IGFL4: variants seen among roughly 807,000 people sequenced by gnomAD.
IGFL4 encodes the protein insulin growth factor-like family member 4.
Under a neutral mutation model 15.4 loss-of-function variants are expected in IGFL4, and 12 were observed. The observed-to-expected ratio is 0.78, with a 90% CI of 0.50 to 1.26. The LOEUF (loss-of-function observed/expected upper bound fraction) is 1.26, where lower values mean the gene tolerates loss of function less well. IGFL4 is among the 50% of genes most tolerant of loss of function. The pLI, the probability that IGFL4 is intolerant of heterozygous loss-of-function variation, is 0.00. For missense variants in IGFL4, 126 were observed against 147.8 expected, an observed-to-expected ratio of 0.85 and a Z score of 0.76; for synonymous variants, 54 against 55.9, an observed-to-expected ratio of 0.97 and a Z score of 0.16.
At chr19:46,042,212 C>T (rs1969253443), upstream of IGFL4, among the ~76,000 whole-genome samples, 1 of 152,128 alleles carries the variant, frequency 6.6e-6, no homozygotes, top group South Asian at 2.1e-4. Flanking sequence ...CTCTCCTCGC[C>T]TATTTCTGCA....
chr19:46,073,089 C>G (rs1969562242), intron 1 of IGFL4, among the ~76,000 whole-genome samples: 1 of 152,082 alleles, frequency 6.6e-6, no homozygotes, highest in Non-Finnish European at 1.5e-5. Flanking sequence ...AAAATAAAGC[C>G]TGTAGATTCA....
intron 2 of IGFL4, chr19:46,059,222 C>G (rs2146521773): frequency 6.6e-6 from 1 of 152,388 alleles, no homozygotes; most frequent in South Asian, 2.1e-4. Flanking sequence ...CCCAGCAGTT[C>G]TCAGCCTTGT....
intron 1 of IGFL4, chr19:46,062,872 T>A (rs1031464803): frequency 6.6e-6 from 1 of 152,214 alleles, no homozygotes; most frequent in African/African-American, 2.4e-5. Flanking sequence ...AAGTTCCCCA[T>A]GTCCTATTGT....
At chr19:46,067,411 C>T (rs73042285) in intron 1 of IGFL4, among the ~76,000 whole-genome samples, 9,365 of 152,166 alleles carry the variant, frequency 0.062, 413 homozygotes, top group Middle Eastern at 0.15. Flanking sequence ...ATGCCTTCAC[C>T]TTCCTGGGTT....
chr19:46,067,964 C>A (rs768329337), intron 1 of IGFL4, among the ~76,000 whole-genome samples: 2 of 152,174 alleles, frequency 1.3e-5, no homozygotes, highest in African/African-American at 2.4e-5. Flanking sequence ...TCCCTTGGAT[C>A]AAAAGACTTT....
At chr19:46,043,252 A>G (rs1969264011), upstream of IGFL4, among the ~76,000 whole-genome samples, 1 of 152,208 alleles carries the variant, frequency 6.6e-6, no homozygotes. Context: ...CATGTAGAGG[A>G]TATATATGCT....
chr19:46,062,534 C>T (rs1043285398), intron 1 of IGFL4, among the ~76,000 whole-genome samples: 5 of 152,170 alleles, frequency 3.3e-5, no homozygotes, highest in African/African-American at 1.2e-4. Context: ...ATTCATGTTC[C>T]CTGGAAGGTA....
rs1234808119 is a variant in IGFL4, at chr19:46,039,272, C to A, written c.*620G>T. On this transcript the variant is annotated 3_prime_UTR_variant, in exon 4 of 4. Coordinates refer to ENST00000377697, the MANE Select transcript of IGFL4 (RefSeq NM_001002923.3). The stretch of plus-strand genomic sequence containing the variant: ...CTATATCTCTGTTTTGGTACCAGTA[C>A]CATGCTGTTTTGGTTACTGTAGCCT... Among the ~76,000 whole-genome samples, 2 of 139,872 alleles carry A rather than the reference C, an allele frequency of 1.4e-5. No homozygotes were observed. The highest frequency in any genetic ancestry group is 3.1e-5 in the Non-Finnish European group (2 of 64,714). 91.8% of individuals were successfully genotyped at this position (139,872 alleles called of 152,430 possible).
upstream of IGFL4, among the ~76,000 whole-genome samples, chr19:46,045,868 C>T (rs1237307452): frequency 1.3e-5 from 2 of 152,132 alleles, no homozygotes; most frequent in East Asian, 3.8e-4. Context: ...AGAACTTCCC[C>T]AAACTTGCAA....
Position 46,041,001 on chromosome 19 carries a change from G to T in IGFL4, c.-39C>A. 1 of 1,558,092 alleles carries T rather than the reference G, an allele frequency of 6.4e-7. No homozygotes were observed. Among genetic ancestry groups the T allele is most frequent in the Non-Finnish European group, 8.7e-7 (1 of 1,156,002 alleles). On this transcript the variant is annotated 5_prime_UTR_variant, in exon 1 of 4. Transcript: ENST00000377697. ...GAGCAGCGGACGAGGGAGCAGCAGT[G>T]GAAATGGGTCAGTGACTTTACATAG...
intron 1 of IGFL4, chr19:46,076,910 G>T (rs950495900): frequency 6.6e-6 from 1 of 152,166 alleles, no homozygotes; most frequent in Non-Finnish European, 1.5e-5. Flanking sequence ...GAGGGTGTGA[G>T]ATTCCTAACG....
chr19:46,073,131 A>G (rs1969562410), intron 1 of IGFL4, among the ~76,000 whole-genome samples: 1 of 152,216 alleles, frequency 6.6e-6, no homozygotes, highest in African/African-American at 2.4e-5. Flanking sequence ...TAATTGTATT[A>G]GGATCATTTA....
chr19:46,070,930 C>A (rs191229941), intron 1 of IGFL4, among the ~76,000 whole-genome samples: 1 of 152,222 alleles, frequency 6.6e-6, no homozygotes, highest in East Asian at 1.9e-4. Context: ...ATTGAATCGC[C>A]TAATCACCAG....
Position 46,040,655 on chromosome 19 carries a change from G to C in IGFL4, c.20-87C>G. On this transcript the variant is annotated intron_variant, in intron 1 of 3. Transcript: ENST00000377697. This position sits in a 1 kb window ranked among gnomAD's most constrained non-coding sequence, Gnocchi z 4.1. ...AGGATGATGTCTCTGAGCTTCTCTGGTTGCTGTTAACAGCTCAGAGTGGAT... is the reference window on the plus strand; with the variant it reads ...AGGATGATGTCTCTGAGCTTCTCTGCTTGCTGTTAACAGCTCAGAGTGGAT... 1.4e-6 allele frequency: 2 copies of C among 1,471,232 alleles called. No homozygotes were observed. The highest frequency in any genetic ancestry group is 1.8e-4 in the Middle Eastern group (1 of 5,678). The allele number at this position is 1,471,232 out of a possible 1,614,324, so 91.1% of individuals were successfully genotyped here.
At chr19:46,074,284 T>C (rs1235182809) in intron 1 of IGFL4, among the ~76,000 whole-genome samples, 1 of 148,486 alleles carries the variant, frequency 6.7e-6, no homozygotes, top group Non-Finnish European at 1.5e-5. Context: ...GATATATATA[T>C]ACATATATAT....
intron 1 of IGFL4, among the ~76,000 whole-genome samples, chr19:46,061,768 G>A (rs1221597934): frequency 2.6e-5 from 4 of 152,116 alleles, no homozygotes; most frequent in Non-Finnish European, 5.9e-5. Flanking sequence ...GTCTGGGTGG[G>A]GGGAAAGGGC....
intron 1 of IGFL4, among the ~76,000 whole-genome samples, chr19:46,064,080 A>G (rs1396678710): frequency 6.6e-6 from 1 of 151,790 alleles, no homozygotes; most frequent in Non-Finnish European, 1.5e-5. Context: ...TGAAAAAAAA[A>G]AAAAAATTCC....
rs1969233321 is a variant in IGFL4, at chr19:46,040,693, T to G, written c.20-125A>C. On this transcript the variant is annotated intron_variant, in intron 1 of 3. Transcript: ENST00000377697. This position sits in a 1 kb window ranked among gnomAD's most constrained non-coding sequence, Gnocchi z 4.1. ...GCTCAGAGTGGATTTTGGGACTGGCTGTGGGTGCAGGTCCTGGGGACTGGG... is the reference window on the plus strand; with the variant it reads ...GCTCAGAGTGGATTTTGGGACTGGCGGTGGGTGCAGGTCCTGGGGACTGGG... 6 of 1,158,354 alleles carry G rather than the reference T, an allele frequency of 5.2e-6. No individual in the cohort carries two copies. Among genetic ancestry groups the G allele is most frequent in the Non-Finnish European group, 6.4e-6 (5 of 787,392 alleles). The allele number at this position is 1,158,354 out of a possible 1,614,324, so 71.8% of individuals were successfully genotyped here.
intron 2 of IGFL4, among the ~76,000 whole-genome samples, chr19:46,054,322 A>AT (rs1969374188): frequency 6.6e-6 from 1 of 152,146 alleles, no homozygotes; most frequent in Non-Finnish European, 1.5e-5. Flanking sequence ...TGTTCTACAT[A>AT]TGGATATTCA....
Sources: allele counts gnomAD v4.1 joint callset (sites outside exome capture counted in the v4.1 genomes callset), GRCh38; gene constraint gnomAD v4.1.1; non-coding constraint Gnocchi (gnomAD v3.1); transcripts MANE v1.5; gene names NCBI Gene and HGNC (gene_info 2026-07-23, HGNC 2026-07-21).